The following ARHGAP42 variants were observed in gnomAD, a reference collection of about 807,000 sequenced individuals.
ARHGAP42 encodes Rho GTPase activating protein 42, also known as rho GTPase-activating protein 42.
Under a neutral mutation model 125.0 loss-of-function variants are expected in ARHGAP42, and 63 were observed. The observed-to-expected ratio is 0.50, with a 90% CI of 0.41 to 0.62. The LOEUF is 0.62. Ranked by LOEUF, ARHGAP42 falls within the 20% of genes least tolerant of loss-of-function variation. The pLI, the probability that ARHGAP42 is intolerant of heterozygous loss-of-function variation, is 0.00. For missense variants in ARHGAP42, 766 were observed against 1,024.2 expected (o/e 0.75, Z 3.44); for synonymous variants, 339 against 351.0 (o/e 0.97, Z 0.38).
chr11:100,940,725 A>G (rs1458719498), intron 8 of ARHGAP42, among the ~76,000 whole-genome samples: 2 of 152,172 alleles, frequency 1.3e-5, no homozygotes, highest in African/African-American at 4.8e-5. Flanking sequence ...CTCTAAGGTC[A>G]GTAGAGTCTT....
rs1425345757 is a variant in ARHGAP42 at position 100,980,571 on chromosome 11, T to C, written c.2456+1522T>C. On this transcript the variant is annotated intron_variant, in intron 22 of 23. Transcript: ENST00000298815. The stretch of plus-strand genomic sequence containing the variant: ...TCTTTTTCTTCTTCTTTTTTTTTTT[T>C]TTTTTTTTTTTTTTTTTTGAGAAAG... Among the ~76,000 whole-genome samples the C allele has an allele frequency of 8.6e-4, 95 of 110,146 alleles. 1 individual carries two copies. The highest frequency in any genetic ancestry group is 1.1e-3 in the Admixed American group (11 of 10,112). The allele number at this position is 110,146 out of a possible 152,430, so 72.3% of individuals were successfully genotyped here.
intron 17 of ARHGAP42, among the ~76,000 whole-genome samples, chr11:100,972,059 A>G (rs533363039): frequency 8.1e-4 from 124 of 152,328 alleles, no homozygotes; most frequent in Middle Eastern, 3.4e-3. Context: ...TTTCTTAGCT[A>G]GTGCTCTCTA....
chr11:100,916,358 A>C (rs770372379), intron 5 of ARHGAP42, among the ~76,000 whole-genome samples: 1 of 152,240 alleles, frequency 6.6e-6, no homozygotes, highest in Non-Finnish European at 1.5e-5. Context: ...GGGAATTTAA[A>C]CAACATATGA....
In ARHGAP42 at chr11:100,992,864, T is replaced by TGTCTGTG; in HGVS notation, c.*4066_*4072dup. The TGTCTGTG allele has an allele frequency of 1.4e-6, 1 of 701,614 alleles. No individual in the cohort carries two copies. The highest frequency in any genetic ancestry group is 2.3e-6 in the Non-Finnish European group (1 of 434,542). 43.5% of individuals were successfully genotyped at this position (701,614 alleles called of 1,614,324 possible). On this transcript the variant is annotated 3_prime_UTR_variant, in exon 24 of 24. Coordinates refer to ENST00000298815, the MANE Select transcript of ARHGAP42 (RefSeq NM_152432.4). ...ATGTCCTAGACCAATGATTACAAGG[T>TGTCTGTG]GTCTGTGGTTTAGGGGGCCCAGCCC...
At chr11:100,917,729 G>A (rs1158258295) in intron 5 of ARHGAP42, among the ~76,000 whole-genome samples, 2 of 151,966 alleles carry the variant, frequency 1.3e-5, no homozygotes, top group African/African-American at 4.8e-5. Context: ...GCATTACCAT[G>A]CCCAGCAAAT....
At chr11:100,763,019 G>T (rs1170564925) in intron 1 of ARHGAP42, among the ~76,000 whole-genome samples, 3 of 99,846 alleles carry the variant, frequency 3.0e-5, no homozygotes, top group African/African-American at 3.8e-5. Flanking sequence ...TGCTGTTGTT[G>T]CCCAGGCTAG....
chr11:100,811,747 G>A (rs1465866425), intron 3 of ARHGAP42, among the ~76,000 whole-genome samples: 2 of 151,898 alleles, frequency 1.3e-5, no homozygotes, highest in Non-Finnish European at 2.9e-5. Context: ...TGATCCGCCT[G>A]CCTCGGCCTC....
At chr11:100,785,672 C>A (rs1222281901) in intron 2 of ARHGAP42, among the ~76,000 whole-genome samples, 3 of 152,098 alleles carry the variant, frequency 2.0e-5, no homozygotes, top group Non-Finnish European at 1.5e-5. Context: ...TTCCTGATGG[C>A]AGGAAACATG....
chr11:100,959,967 C>T (rs1301879236), intron 13 of ARHGAP42, 22 bp downstream of exon 13: 1 of 1,541,508 alleles, frequency 6.5e-7, no homozygotes, highest in African/African-American at 1.4e-5. Flanking sequence ...CTGATTGGTA[C>T]AGCATCCCTG....
intron 7 of ARHGAP42, among the ~76,000 whole-genome samples, chr11:100,933,668 T>G (rs1867646986): frequency 6.6e-6 from 1 of 152,228 alleles, no homozygotes; most frequent in Non-Finnish European, 1.5e-5. Flanking sequence ...GGTAATTTCA[T>G]AATGTATACA....
chr11:100,975,449 A>G (rs1858365258), intron 19 of ARHGAP42, among the ~76,000 whole-genome samples: 2 of 152,222 alleles, frequency 1.3e-5, no homozygotes, highest in Non-Finnish European at 2.9e-5. Flanking sequence ...ACTTGCTTTT[A>G]GGAACATTAG....
intron 2 of ARHGAP42, among the ~76,000 whole-genome samples, chr11:100,790,057 G>C (rs1718710391): frequency 6.6e-6 from 1 of 152,116 alleles, no homozygotes; most frequent in Admixed American, 6.6e-5. Context: ...TAAGATAGTG[G>C]AGTTATGTCA....
chr11:100,977,958 TCTGACAGGAA>T (rs1446416653), intron 21 of ARHGAP42, among the ~76,000 whole-genome samples: 1 of 152,210 alleles, frequency 6.6e-6, no homozygotes, highest in African/African-American at 2.4e-5. Flanking sequence ...CATCCTTTTC[TCTGACAGGAA>T]CCTTTTGGTT....
chr11:100,733,936 T>G (rs1176776698), intron 1 of ARHGAP42, among the ~76,000 whole-genome samples: 1 of 148,864 alleles, frequency 6.7e-6, no homozygotes, highest in Non-Finnish European at 1.5e-5. Flanking sequence ...AGTTGTTTTT[T>G]TTTTTTTTTT....
At chr11:100,952,884 C>T (rs545419946) in intron 12 of ARHGAP42, among the ~76,000 whole-genome samples, 22 of 152,002 alleles carry the variant, frequency 1.4e-4, no homozygotes, top group Non-Finnish European at 2.6e-4. Flanking sequence ...CATGCCACCA[C>T]GCCCAGTGCC....
chr11:100,702,487 C>T (rs1353654940), intron 1 of ARHGAP42, among the ~76,000 whole-genome samples: 1 of 150,864 alleles, frequency 6.6e-6, no homozygotes, highest in Non-Finnish European at 1.5e-5. Context: ...GTGACAGAGA[C>T]AGGAAATGAG....
intron 3 of ARHGAP42, among the ~76,000 whole-genome samples, chr11:100,856,985 TA>T (rs1264176777): frequency 6.6e-6 from 1 of 152,104 alleles, no homozygotes; most frequent in Non-Finnish European, 1.5e-5. Context: ...TTCATGTTTT[TA>T]ATACATTCCA....
intron 10 of ARHGAP42, 128 bp from the exon 11 acceptor site, chr11:100,948,328 AT>A: frequency 1.5e-6 from 1 of 676,446 alleles, no homozygotes. Flanking sequence ...AAAAATTCCT[AT>A]GTTTTTCTCC....
chr11:100,830,286 T>G (rs1359849743), intron 3 of ARHGAP42, among the ~76,000 whole-genome samples: 1 of 152,152 alleles, frequency 6.6e-6, no homozygotes. Flanking sequence ...CCTCAGTAAG[T>G]AAAAATACCA....
Sources: gnomAD v4.1 joint callset for allele counts (sites outside exome capture counted in the v4.1 genomes callset) on GRCh38, gnomAD v4.1.1 for gene constraint, MANE v1.5 for transcripts, NCBI Gene and HGNC (gene_info 2026-07-23, HGNC 2026-07-21) for gene names.